EDDM13: variants seen among roughly 807,000 people sequenced by gnomAD.
EDDM13 encodes the protein epididymal protein 13.
In EDDM13, 24 loss-of-function variants were observed where a neutral mutation model predicts 17.8. That is an observed-to-expected ratio of 1.35 (90% confidence interval 0.98 to 1.90). The LOEUF (loss-of-function observed/expected upper bound fraction) is 1.90. Ranked by LOEUF, EDDM13 falls within the 40% of genes most tolerant of loss-of-function variation. The pLI, the probability that EDDM13 is intolerant of heterozygous loss-of-function variation, is 0.00. For missense variants in EDDM13, 97 were observed against 100.8 expected, an observed-to-expected ratio of 0.96 and a Z score of 0.16; for synonymous variants, 31 against 37.5, an observed-to-expected ratio of 0.83 and a Z score of 0.63.
At chr19:56,302,534 T>TCCTCC (rs2040347642) in intron 13 of EDDM13, among the ~76,000 whole-genome samples, 4 of 19,476 alleles carry the variant, frequency 2.1e-4, no homozygotes, top group East Asian at 1.2e-3. Flanking sequence ...CCCTCCCTCT[T>TCCTCC]CTTCCTCCCC....
intron 5 of EDDM13, 93 bp downstream of exon 5, chr19:56,284,299 G>C: frequency 2.7e-6 from 1 of 377,292 alleles, no homozygotes; most frequent in Non-Finnish European, 3.7e-6. Flanking sequence ...GGGTTAGATT[G>C]TGTGTATTCA....
chr19:56,300,272 T>A (rs755795819), intron 12 of EDDM13, among the ~76,000 whole-genome samples: 142 of 152,274 alleles, frequency 9.3e-4, no homozygotes, highest in Non-Finnish European at 7.9e-4. Context: ...AGATACAACT[T>A]ATTACATACC....
intron 9 of EDDM13, among the ~76,000 whole-genome samples, chr19:56,293,155 T>C (rs888861956): frequency 1.3e-5 from 2 of 152,062 alleles, no homozygotes; most frequent in African/African-American, 4.8e-5. Context: ...AAAAAACAAA[T>C]TGAAAAATGG....
intron 13 of EDDM13, among the ~76,000 whole-genome samples, chr19:56,303,428 A>G (rs2040477939): frequency 6.6e-6 from 1 of 150,586 alleles, no homozygotes; most frequent in African/African-American, 2.4e-5. Context: ...CAGTGAGCCA[A>G]GATCACACCA....
intron 2 of EDDM13, among the ~76,000 whole-genome samples, chr19:56,277,739 A>G (rs894367149): frequency 6.6e-6 from 1 of 152,106 alleles, no homozygotes; most frequent in Non-Finnish European, 1.5e-5. Context: ...AATAAGGATA[A>G]TAGAGACTCA....
intron 4 of EDDM13, chr19:56,283,392 A>G (rs2038861127): frequency 6.6e-6 from 1 of 152,210 alleles, no homozygotes; most frequent in Non-Finnish European, 1.5e-5. Context: ...ACAGGAAACA[A>G]TATCTCCATT....
intron 12 of EDDM13, among the ~76,000 whole-genome samples, chr19:56,299,115 T>C (rs1395291421): frequency 6.6e-6 from 1 of 152,142 alleles, no homozygotes; most frequent in African/African-American, 2.4e-5. Flanking sequence ...AAAAAGAATA[T>C]GGTAAGATTT....
At chr19:56,294,027 C>A (rs1006468984) in intron 9 of EDDM13, among the ~76,000 whole-genome samples, 3 of 152,210 alleles carry the variant, frequency 2.0e-5, no homozygotes, top group South Asian at 4.1e-4. Context: ...TTGCTCCTTT[C>A]GCTCCTTTTC....
chr19:56,303,828 TA>T (rs11354957), intron 13 of EDDM13, among the ~76,000 whole-genome samples: 93,812 of 151,824 alleles, frequency 0.62, 30,983 homozygotes, highest in African/African-American at 0.84. Context: ...CGTCTGGACA[TA>T]AGAGATGAGA....
Position 56,288,282 on chromosome 19 carries a change from C to T in EDDM13, c.155-103C>T, listed in dbSNP as rs113256429. ...TCAAGCCCCCGGCAGCTGCAGGCTC[C>T]ATCCAGCCCAGGAAGACGCCCACAT... On this transcript the variant is annotated intron_variant, in intron 6 of 14. Transcript: ENST00000649256. Among the ~76,000 whole-genome samples, 1,311 of 152,300 alleles carry T rather than the reference C, an allele frequency of 8.6e-3. 19 individuals are homozygous for T. Among genetic ancestry groups the T allele is most frequent in the African/African-American group, 0.03 (1,233 of 41,562 alleles).
At chr19:56,288,284 T>A (rs1600194126) in intron 6 of EDDM13, among the ~76,000 whole-genome samples, 101 bp from the exon 7 acceptor site, 1 of 152,170 alleles carries the variant, frequency 6.6e-6, no homozygotes, top group Non-Finnish European at 1.5e-5. Flanking sequence ...GCAGGCTCCA[T>A]CCAGCCCAGG....
At chr19:56,301,804 A>T in intron 12 of EDDM13, 164 bp from the exon 13 acceptor site, 1 of 686,808 alleles carries the variant, frequency 1.5e-6, no homozygotes, top group Non-Finnish European at 2.0e-6. Flanking sequence ...GGTAACCAAG[A>T]AGGGGGAAGC....
chr19:56,280,497 G>T (rs2038610992), intron 2 of EDDM13: 2 of 152,070 alleles, frequency 1.3e-5, no homozygotes, highest in Admixed American at 1.3e-4. Flanking sequence ...ATGGAAATAT[G>T]TAGAATTATA....
intron 2 of EDDM13, among the ~76,000 whole-genome samples, chr19:56,280,124 C>A (rs1210129896): frequency 6.6e-6 from 1 of 152,096 alleles, no homozygotes; most frequent in East Asian, 1.9e-4. Flanking sequence ...CAAGTAGAAA[C>A]AAATGTGTAT....
chr19:56,286,192 T>G (rs1241920539), intron 6 of EDDM13, among the ~76,000 whole-genome samples: 1 of 151,974 alleles, frequency 6.6e-6, no homozygotes, highest in Middle Eastern at 3.4e-3. Flanking sequence ...CGGCTAATTT[T>G]TGTATTATTA....
At chr19:56,279,035 A>G (rs1356999480) in intron 2 of EDDM13, among the ~76,000 whole-genome samples, 1 of 152,170 alleles carries the variant, frequency 6.6e-6, no homozygotes, top group East Asian at 1.9e-4. Flanking sequence ...CAGCCCAAAC[A>G]TTCTAATCAA....
chr19:56,288,657 T>C (rs1227195427), intron 7 of EDDM13, among the ~76,000 whole-genome samples: 8 of 152,128 alleles, frequency 5.3e-5, no homozygotes, highest in Non-Finnish European at 1.2e-4. Context: ...TCATAAACAT[T>C]TGTTAGAAGG....
intron 12 of EDDM13, among the ~76,000 whole-genome samples, chr19:56,301,114 G>A (rs919135021): frequency 1.3e-5 from 2 of 152,156 alleles, no homozygotes; most frequent in Non-Finnish European, 1.5e-5. Flanking sequence ...CTTGAATCTC[G>A]TGCAAGAAAG....
chr19:56,283,726 G>C (rs2038889755), intron 4 of EDDM13: 1 of 152,126 alleles, frequency 6.6e-6, no homozygotes, highest in African/African-American at 2.4e-5. Context: ...CTCACCAGCT[G>C]CACAGGTCTC....
Sources: gnomAD v4.1 joint callset for allele counts (sites outside exome capture counted in the v4.1 genomes callset) on GRCh38, gnomAD v4.1.1 for gene constraint, MANE v1.5 for transcripts, NCBI Gene and HGNC (gene_info 2026-07-23, HGNC 2026-07-21) for gene names.